The following CDK7 variants were observed in gnomAD, a reference collection of about 807,000 sequenced individuals.
CDK7 encodes the protein cyclin-dependent kinase 7.
In CDK7, 25 loss-of-function variants were observed where a neutral mutation model predicts 49.1. That is an observed-to-expected ratio of 0.51 (90% CI 0.37 to 0.71). The LOEUF (loss-of-function observed/expected upper bound fraction) is 0.71, where lower values mean the gene tolerates loss of function less well. Among genes scored for constraint, CDK7 ranks in the 30% least tolerant of loss-of-function variants. CDK7 has a pLI of 0.00. For synonymous variants in CDK7, 107 were observed against 140.0 expected (o/e 0.76, Z 1.67); for missense variants, 316 against 411.7 (o/e 0.77, Z 2.01).
chr5:69,267,750 A>C (rs1342878293), intron 8 of CDK7, among the ~76,000 whole-genome samples: 1 of 152,102 alleles, frequency 6.6e-6, no homozygotes, highest in Non-Finnish European at 1.5e-5. Flanking sequence ...GGAGTGTGAA[A>C]TCCATACATC....
At chr5:69,252,663 C>T (rs1750226587) in intron 3 of CDK7, among the ~76,000 whole-genome samples, 2 of 152,006 alleles carry the variant, frequency 1.3e-5, no homozygotes, top group African/African-American at 4.8e-5. Flanking sequence ...ACATGTGCCA[C>T]CACTTGTGGT....
intron 4 of CDK7, among the ~76,000 whole-genome samples, chr5:69,255,019 C>T (rs933558103): frequency 2.6e-5 from 4 of 152,176 alleles, no homozygotes; most frequent in African/African-American, 9.7e-5. Flanking sequence ...GTCCCTGCCT[C>T]ATAGGGAAGT....
intron 9 of CDK7, among the ~76,000 whole-genome samples, chr5:69,271,503 A>AT (rs1012281655): frequency 1.8e-4 from 22 of 123,608 alleles, no homozygotes; most frequent in African/African-American, 6.9e-4. Flanking sequence ...TTTTTTGACA[A>AT]TTTTTTTTTC....
intron 3 of CDK7, 78 bp from the exon 4 acceptor site, chr5:69,254,521 CAAA>C (rs35239844): frequency 7.3e-3 from 3,441 of 473,394 alleles, no homozygotes; most frequent in Middle Eastern, 0.012. Flanking sequence ...GACTCCATCT[CAAA>C]AAAAAAAAAA....
chr5:69,251,333 C>T (rs748051951), intron 2 of CDK7, among the ~76,000 whole-genome samples: 2 of 151,986 alleles, frequency 1.3e-5, no homozygotes, highest in Non-Finnish European at 1.5e-5. Flanking sequence ...CTCCTGACCT[C>T]GTGATCCACC....
chr5:69,248,882 C>T (rs745875045), intron 2 of CDK7, among the ~76,000 whole-genome samples: 15 of 139,416 alleles, frequency 1.1e-4, no homozygotes, highest in Non-Finnish European at 1.5e-5. Flanking sequence ...TGGCTCACTG[C>T]AACCTCTGCC....
At chr5:69,269,367 T>C in intron 9 of CDK7, 74 bp downstream of exon 9, 2 of 965,094 alleles carry the variant, frequency 2.1e-6, no homozygotes, top group South Asian at 1.5e-5. Context: ...ATACTTTATA[T>C]AGTGCTGTCA....
chr5:69,248,261 G>T (rs1042416477), intron 2 of CDK7, among the ~76,000 whole-genome samples: 1 of 152,156 alleles, frequency 6.6e-6, no homozygotes, highest in Non-Finnish European at 1.5e-5. Context: ...TATCATGCCA[G>T]TCTCTCCTGT....
chr5:69,274,337 T>G (rs1467867177), intron 10 of CDK7, among the ~76,000 whole-genome samples: 2 of 152,184 alleles, frequency 1.3e-5, no homozygotes, highest in Non-Finnish European at 2.9e-5. Flanking sequence ...AAGTAATGCT[T>G]TAAAAATGCA....
chr5:69,238,326 C>T (rs948961146), intron 2 of CDK7, among the ~76,000 whole-genome samples: 2 of 150,182 alleles, frequency 1.3e-5, no homozygotes, highest in Non-Finnish European at 3.0e-5. Flanking sequence ...TGTGTGTTTC[C>T]CTGGCTGGAG....
chr5:69,260,585 G>A (rs1328981663), intron 7 of CDK7, among the ~76,000 whole-genome samples: 1 of 152,044 alleles, frequency 6.6e-6, no homozygotes, highest in Non-Finnish European at 1.5e-5. Flanking sequence ...TATTATGTTG[G>A]TCAGTGCTGA....
chr5:69,277,133 T>C lies in CDK7; in HGVS notation c.1039T>C (p.Ter347GlnextTer10). 6.3e-7 allele frequency: 1 copy of C among 1,599,198 alleles called. No homozygotes were observed. Among genetic ancestry groups the C allele is most frequent in the Non-Finnish European group, 8.5e-7 (1 of 1,174,118 alleles). Residue 347 changes from the stop codon to glutamine (Q), a stop_lost, in exon 12 of 12, where the codon TAA (stop) becomes CAA (glutamine). Coordinates refer to ENST00000256443, the MANE Select transcript of CDK7 (RefSeq NM_001799.4). The stretch of plus-strand genomic sequence containing the variant: ...AGGATTGCCCAAGAAACTAATTTTT[T>C]AAAGAGAACACTGGACAACATTTTA... ...QGGLPKKLIF[*>Q]
In CDK7 at chr5:69,235,438, T is replaced by G; in HGVS notation, c.111T>G (p.Ile37Met). 1 of 1,602,658 alleles carries G rather than the reference T, an allele frequency of 6.2e-7. No individual in the cohort carries two copies. Among genetic ancestry groups the G allele is most frequent in the Non-Finnish European group, 8.5e-7 (1 of 1,169,826 alleles). ...YKARDKNTNQ[I>M]VAIKKIKLGH... ...CCAGAGATAAGAACACCAACCAAAT[T>G]GTCGCCATTAAGAAAGTGAGTTACC... The change falls in exon 2 of 12, where the codon ATT becomes ATG. Residue 37 changes from isoleucine (I) to methionine (M), a missense_variant. Coordinates refer to ENST00000256443, the MANE Select transcript of CDK7 (RefSeq NM_001799.4).
At chr5:69,254,081 CAG>C (rs1430244973) in intron 3 of CDK7, among the ~76,000 whole-genome samples, 1 of 152,088 alleles carries the variant, frequency 6.6e-6, no homozygotes. Context: ...ACCTGGCTGA[CAG>C]GGTGAAACCC....
At chr5:69,264,080 C>T (rs1184675914) in intron 8 of CDK7, among the ~76,000 whole-genome samples, 1 of 152,130 alleles carries the variant, frequency 6.6e-6, no homozygotes, top group Non-Finnish European at 1.5e-5. Flanking sequence ...TATTAAGGAT[C>T]TTCAGATAGT....
At chr5:69,270,643 T>C (rs942766781) in intron 9 of CDK7, among the ~76,000 whole-genome samples, 11 of 152,228 alleles carry the variant, frequency 7.2e-5, no homozygotes, top group African/African-American at 2.7e-4. Context: ...CCTTAACTCT[T>C]GGCAATCACT....
chr5:69,254,092 C>T (rs72767855), intron 3 of CDK7, among the ~76,000 whole-genome samples: 22,948 of 151,498 alleles, frequency 0.15, 1,868 homozygotes, highest in African/African-American at 0.2. Context: ...AGGGTGAAAC[C>T]CCATCTCAAA....
At chr5:69,238,045 A>C (rs1359288201) in intron 2 of CDK7, among the ~76,000 whole-genome samples, 1 of 152,118 alleles carries the variant, frequency 6.6e-6, no homozygotes, top group Admixed American at 6.6e-5. Flanking sequence ...GATGTGTTTA[A>C]TTTTATAAAA....
At chr5:69,270,066 C>CAA (rs768838177) in intron 9 of CDK7, among the ~76,000 whole-genome samples, 3 of 65,590 alleles carry the variant, frequency 4.6e-5, no homozygotes, top group Non-Finnish European at 6.4e-5. Flanking sequence ...ACTCTGTCTC[C>CAA]AAAAAAAAAA....
Sources: gnomAD v4.1 joint callset for allele counts (sites outside exome capture counted in the v4.1 genomes callset) on GRCh38, gnomAD v4.1.1 for gene constraint, MANE v1.5 for transcripts, NCBI Gene and HGNC (gene_info 2026-07-23, HGNC 2026-07-21) for gene names.